DDAH1: variants seen among roughly 807,000 people sequenced by gnomAD.
DDAH1 encodes the protein dimethylarginine dimethylaminohydrolase 1.
In DDAH1, 19 loss-of-function variants were observed where a neutral mutation model predicts 28.8. The observed-to-expected ratio is 0.66, with a 90% CI of 0.46 to 0.97. The LOEUF is 0.97. DDAH1 is among the 50% of genes least tolerant of loss of function. The pLI, the probability that DDAH1 is intolerant of heterozygous loss-of-function variation, is 0.00. For missense variants in DDAH1, 326 were observed against 375.9 expected (o/e 0.87, Z 1.10); for synonymous variants, 153 against 154.4 (o/e 0.99, Z 0.07).
intron 1 of DDAH1, among the ~76,000 whole-genome samples, chr1:85,362,761 T>C (rs1378961843): frequency 2.6e-5 from 4 of 152,222 alleles, no homozygotes; most frequent in Non-Finnish European, 4.4e-5. Context: ...TGGCATATTG[T>C]GCTCAAAACT....
intron 1 of DDAH1, among the ~76,000 whole-genome samples, chr1:85,555,893 T>C (rs927563808): frequency 1.1e-4 from 16 of 152,348 alleles, no homozygotes; most frequent in African/African-American, 3.4e-4. Context: ...TATTTTGACA[T>C]GTTTTTAAGC....
At chr1:85,404,549 G>T in intron 1 of DDAH1, 1 of 1,290,486 alleles carries the variant, frequency 7.7e-7, no homozygotes, top group Non-Finnish European at 9.9e-7. Flanking sequence ...GCTCCAGACA[G>T]AAAAAAAAAT....
intron 2 of DDAH1, among the ~76,000 whole-genome samples, chr1:85,481,005 T>A (rs1163970573): frequency 6.6e-6 from 1 of 151,776 alleles, no homozygotes; most frequent in African/African-American, 2.4e-5. Context: ...TATAGGTGAT[T>A]TTTATTTTCT....
chr1:85,361,307 C>T (rs931433329), intron 1 of DDAH1, among the ~76,000 whole-genome samples: 2 of 152,182 alleles, frequency 1.3e-5, no homozygotes, highest in African/African-American at 4.8e-5. Flanking sequence ...AAGATCCAAA[C>T]CATGAGCCTT....
At chr1:85,385,506 C>T (rs901383594) in intron 1 of DDAH1, among the ~76,000 whole-genome samples, 1 of 152,144 alleles carries the variant, frequency 6.6e-6, no homozygotes, top group Non-Finnish European at 1.5e-5. Flanking sequence ...AATAATTTTG[C>T]CCACTGGAAA....
intron 2 of DDAH1, among the ~76,000 whole-genome samples, chr1:85,485,122 A>G (rs779366202): frequency 1.3e-5 from 2 of 152,196 alleles, no homozygotes; most frequent in African/African-American, 2.4e-5. Flanking sequence ...TGCCTGTTTA[A>G]TATCACATAA....
At chr1:85,573,455 G>GGATT (rs1314009838) in intron 1 of DDAH1, among the ~76,000 whole-genome samples, 2 of 152,192 alleles carry the variant, frequency 1.3e-5, no homozygotes, top group African/African-American at 2.4e-5. Flanking sequence ...TCTAGAAGAT[G>GGATT]GATTGCAGGG....
chr1:85,511,665 A>G (rs1238374928), intron 1 of DDAH1, among the ~76,000 whole-genome samples: 1 of 152,228 alleles, frequency 6.6e-6, no homozygotes, highest in Non-Finnish European at 1.5e-5. Flanking sequence ...GATAAAGGGG[A>G]TATCACCACT....
At chr1:85,406,799 C>T (rs1652426095) in intron 1 of DDAH1, among the ~76,000 whole-genome samples, 1 of 151,770 alleles carries the variant, frequency 6.6e-6, no homozygotes, top group Admixed American at 6.6e-5. Context: ...AAAGGGCAAG[C>T]TGAAAAAATT....
At chr1:85,370,302 T>C (rs1650314391) in intron 1 of DDAH1, among the ~76,000 whole-genome samples, 1 of 152,204 alleles carries the variant, frequency 6.6e-6, no homozygotes, top group Admixed American at 6.5e-5. Context: ...ATCAGACTGC[T>C]AGCCTCCAGC....
chr1:85,425,591 A>C (rs1653358755), intron 1 of DDAH1, among the ~76,000 whole-genome samples: 2 of 152,214 alleles, frequency 1.3e-5, no homozygotes, highest in African/African-American at 4.8e-5. Context: ...TTATATCTCC[A>C]GTCTGAAGTT....
At chr1:85,377,004 T>C (rs1650708981) in intron 1 of DDAH1, among the ~76,000 whole-genome samples, 1 of 152,180 alleles carries the variant, frequency 6.6e-6, no homozygotes, top group African/African-American at 2.4e-5. Context: ...TACATGCAGA[T>C]ATATGTGTGG....
intron 1 of DDAH1, among the ~76,000 whole-genome samples, chr1:85,409,758 A>G (rs949876961): frequency 4.6e-5 from 7 of 152,190 alleles, no homozygotes; most frequent in Non-Finnish European, 8.8e-5. Flanking sequence ...TAATGCATAT[A>G]TAAGTTTTCA....
intron 1 of DDAH1, among the ~76,000 whole-genome samples, chr1:85,408,917 G>A (rs1344903822): frequency 2.6e-5 from 4 of 152,116 alleles, no homozygotes; most frequent in Non-Finnish European, 4.4e-5. Flanking sequence ...GGTCAAAGCT[G>A]AATAGAACAC....
At chr1:85,432,099 G>T (rs116765906) in intron 1 of DDAH1, among the ~76,000 whole-genome samples, 1 of 152,188 alleles carries the variant, frequency 6.6e-6, no homozygotes, top group South Asian at 2.1e-4. Flanking sequence ...TTGTGAAAGG[G>T]CTATGTAGAA....
intron 1 of DDAH1, among the ~76,000 whole-genome samples, chr1:85,537,235 G>A (rs572835217): frequency 1.3e-5 from 2 of 151,512 alleles, no homozygotes; most frequent in East Asian, 3.9e-4. Flanking sequence ...TCAGGAGGTT[G>A]AGGTCGGAGG....
At chr1:85,399,047 T>C (rs1273069648) in intron 1 of DDAH1, 2 of 152,224 alleles carry the variant, frequency 1.3e-5, no homozygotes, top group Non-Finnish European at 2.9e-5. Flanking sequence ...ACTAAATGAA[T>C]AGGGAGAAAT....
chr1:85,511,007 A>T (rs1051723364), intron 1 of DDAH1, among the ~76,000 whole-genome samples: 1 of 152,254 alleles, frequency 6.6e-6, no homozygotes, highest in African/African-American at 2.4e-5. Flanking sequence ...GATCCAATAG[A>T]CATCTACAGA....
chr1:85,482,674 C>T (rs1187789715), intron 2 of DDAH1: 1 of 152,184 alleles, frequency 6.6e-6, no homozygotes, highest in Non-Finnish European at 1.5e-5. Flanking sequence ...TAATGCCCCT[C>T]ACTAGGGTTT....
Sources: gnomAD v4.1 joint callset for allele counts (sites outside exome capture counted in the v4.1 genomes callset) on GRCh38, gnomAD v4.1.1 for gene constraint, MANE v1.5 for transcripts, NCBI Gene and HGNC (gene_info 2026-07-23, HGNC 2026-07-21) for gene names.